The following AKAP13 variants were observed in gnomAD, a reference collection of about 807,000 sequenced individuals.
The protein encoded by AKAP13 is A-kinase anchoring protein 13, also known as A-kinase anchor protein 13.
AKAP13 carries 80 observed loss-of-function variants against 264.5 expected under a neutral mutation model. That is an observed-to-expected ratio of 0.30 (90% CI 0.25 to 0.36). AKAP13 has a LOEUF of 0.36. Among genes scored for constraint, AKAP13 ranks in the 10% least tolerant of loss-of-function variants. AKAP13 has a pLI of 1.00. For synonymous variants in AKAP13, 1,380 were observed against 1,250.2 expected (o/e 1.10, Z -2.19); for missense variants, 3,712 against 3,435.2 (o/e 1.08, Z -2.01).
chr15:85,727,486 A>G lies in AKAP13; in HGVS notation c.7087+23A>G. 6.2e-7 allele frequency: 1 copy of G among 1,612,860 alleles called. No individual in the cohort carries two copies. Among genetic ancestry groups the G allele is most frequent in the Non-Finnish European group, 8.5e-7 (1 of 1,179,020 alleles). On this transcript the variant is annotated intron_variant, in intron 29 of 36. Coordinates refer to ENST00000394518, the MANE Select transcript of AKAP13 (RefSeq NM_007200.5). This position sits in a 1 kb window ranked among gnomAD's most constrained non-coding sequence, Gnocchi z 5.3. ...AAGGTGAGGCATTGCGAGTGGTCTGAGCCCCTTGTCTGGAATGTCTGCAGT... is the reference window on the plus strand; with the variant it reads ...AAGGTGAGGCATTGCGAGTGGTCTGGGCCCCTTGTCTGGAATGTCTGCAGT...
intron 1 of AKAP13, among the ~76,000 whole-genome samples, chr15:85,413,441 C>G (rs1405408614): frequency 6.6e-6 from 1 of 152,112 alleles, no homozygotes; most frequent in Non-Finnish European, 1.5e-5. Flanking sequence ...GGTATAGAAA[C>G]TTTAGATTGT....
intron 1 of AKAP13, among the ~76,000 whole-genome samples, chr15:85,402,493 G>A (rs1188912071): frequency 6.6e-6 from 1 of 152,168 alleles, no homozygotes; most frequent in Non-Finnish European, 1.5e-5. Context: ...ATGGGGGATC[G>A]TGGTATCTGA....
chr15:85,559,193 G>A (rs1300738528), intron 5 of AKAP13, among the ~76,000 whole-genome samples: 1 of 152,148 alleles, frequency 6.6e-6, no homozygotes. Context: ...TAAGTGGCGT[G>A]AAGCACTGGT....
chr15:85,524,494 T>C (rs949480736), intron 3 of AKAP13, among the ~76,000 whole-genome samples: 17 of 118,006 alleles, frequency 1.4e-4, no homozygotes, highest in African/African-American at 4.4e-4. Flanking sequence ...TTTATTATTA[T>C]TTTTTTATTT....
At chr15:85,585,638 A>G in intron 7 of AKAP13, 64 bp from the exon 8 acceptor site, 2 of 1,603,502 alleles carry the variant, frequency 1.2e-6, no homozygotes, top group South Asian at 1.1e-5. Flanking sequence ...AGCATGTTGT[A>G]TGAATAGTAA....
At chr15:85,506,370 C>T (rs904467124) in intron 2 of AKAP13, among the ~76,000 whole-genome samples, 2 of 152,054 alleles carry the variant, frequency 1.3e-5, no homozygotes, top group Non-Finnish European at 2.9e-5. Context: ...TTATTGAGCA[C>T]CTAGAACAAC....
intron 1 of AKAP13, among the ~76,000 whole-genome samples, chr15:85,472,334 C>A (rs975023980): frequency 1.3e-5 from 2 of 149,270 alleles, no homozygotes; most frequent in African/African-American, 4.9e-5. Flanking sequence ...TAGTAAGACC[C>A]ATCTCTTAAA....
intron 17 of AKAP13, among the ~76,000 whole-genome samples, chr15:85,697,437 C>T (rs28391238): frequency 0.092 from 13,919 of 152,080 alleles, 817 homozygotes; most frequent in African/African-American, 0.17. Flanking sequence ...GGCTTGGTGG[C>T]GTGCGCCTGT....
intron 1 of AKAP13, among the ~76,000 whole-genome samples, chr15:85,485,438 T>C (rs1373045687): frequency 6.6e-6 from 1 of 152,234 alleles, no homozygotes; most frequent in Non-Finnish European, 1.5e-5. Flanking sequence ...TCCTGTTGGT[T>C]GTTGAAACTT....
intron 5 of AKAP13, among the ~76,000 whole-genome samples, chr15:85,553,271 A>G (rs1391802131): frequency 6.6e-6 from 1 of 152,162 alleles, no homozygotes; most frequent in East Asian, 1.9e-4. Flanking sequence ...TAGTTTTAGT[A>G]GAAACAGGGT....
intron 2 of AKAP13, among the ~76,000 whole-genome samples, chr15:85,517,313 T>C (rs1353604443): frequency 6.6e-6 from 1 of 152,072 alleles, no homozygotes; most frequent in Admixed American, 6.6e-5. Flanking sequence ...AATTTGACTC[T>C]TCCCATCCCC....
intron 2 of AKAP13, among the ~76,000 whole-genome samples, chr15:85,493,930 C>T (rs1205224110): frequency 1.3e-5 from 2 of 152,184 alleles, no homozygotes; most frequent in African/African-American, 4.8e-5. Context: ...CCCCCTTAAA[C>T]CTCAGGCAAT....
chr15:85,485,688 A>T lies in AKAP13; in HGVS notation c.-11-22A>T, dbSNP rs554730822. The T allele has an allele frequency of 5.0e-6, 8 of 1,610,296 alleles. No homozygotes were observed. In the South Asian group the frequency reaches 7.7e-5, roughly 15 times the overall value. The stretch of plus-strand genomic sequence containing the variant: ...GGTGACAACTTTTAATTTTATTCTC[A>T]TTTATTCCATTTCTGTTTCAGTGTC... On this transcript the variant is annotated intron_variant, in intron 1 of 36. Coordinates refer to ENST00000394518, the MANE Select transcript of AKAP13 (RefSeq NM_007200.5).
chr15:85,529,414 C>T (rs2077180833), intron 3 of AKAP13, among the ~76,000 whole-genome samples: 1 of 152,112 alleles, frequency 6.6e-6, no homozygotes, highest in African/African-American at 2.4e-5. Flanking sequence ...GAGCGAGACT[C>T]CGTCTCAAAA....
chr15:85,523,502 C>T (rs2076906215), intron 3 of AKAP13, among the ~76,000 whole-genome samples: 1 of 152,168 alleles, frequency 6.6e-6, no homozygotes, highest in Non-Finnish European at 1.5e-5. Context: ...ACAGCTGCCT[C>T]CTCTCCACAT....
At chr15:85,599,316 T>C (rs1439259102) in intron 8 of AKAP13, among the ~76,000 whole-genome samples, 1 of 152,226 alleles carries the variant, frequency 6.6e-6, no homozygotes, top group Non-Finnish European at 1.5e-5. Flanking sequence ...TATAATATAA[T>C]GTGGACAAGT....
chr15:85,546,586 A>G (rs1274334768), intron 5 of AKAP13, among the ~76,000 whole-genome samples: 1 of 152,198 alleles, frequency 6.6e-6, no homozygotes, highest in Non-Finnish European at 1.5e-5. Context: ...ATTCTTAAAA[A>G]GTGGCCCAAG....
chr15:85,390,311 A>T (rs1422989184), intron 1 of AKAP13, among the ~76,000 whole-genome samples: 4 of 152,204 alleles, frequency 2.6e-5, no homozygotes, highest in Non-Finnish European at 4.4e-5. Context: ...TGGGGAGGTC[A>T]GACAAGGCCT....
rs1317397900 is a variant in AKAP13 at position 85,747,777 on chromosome 15, G to C, written c.*3100G>C. 2 of 152,688 alleles carry C rather than the reference G, an allele frequency of 1.3e-5. No individual in the cohort carries two copies. Among genetic ancestry groups the C allele is most frequent in the East Asian group, 3.8e-4 (2 of 5,196 alleles). The allele number at this position is 152,688 out of a possible 1,614,324, so 9.5% of individuals were successfully genotyped here. A position where few individuals can be genotyped will look rare whatever the true frequency, so the allele number is the denominator to read the frequency against. On this transcript the variant is annotated 3_prime_UTR_variant, in exon 37 of 37. Transcript: ENST00000394518. The stretch of plus-strand genomic sequence containing the variant: ...TCTACCCCCGTGAGAGCTATCTGGG[G>C]GGAAGAATCCTTACCAAGGTTTTTT...
Sources: gnomAD v4.1 joint callset for allele counts (sites outside exome capture counted in the v4.1 genomes callset) on GRCh38, gnomAD v4.1.1 for gene constraint, Gnocchi (gnomAD v3.1) non-coding constraint, MANE v1.5 for transcripts, NCBI Gene and HGNC (gene_info 2026-07-23, HGNC 2026-07-21) for gene names.